The following EPHA6 variants were observed in gnomAD, a reference collection of about 807,000 sequenced individuals.
EPHA6 encodes the protein EPH receptor A6, also known as ephrin type-A receptor 6.
EPHA6 carries 50 observed loss-of-function variants against 112.0 expected under a neutral mutation model. The ratio of observed to expected loss-of-function variants is 0.45; its 90% CI spans 0.36 to 0.56. The LOEUF (loss-of-function observed/expected upper bound fraction) is 0.56, where lower values mean the gene tolerates loss of function less well. Ranked by LOEUF, EPHA6 falls within the 20% of genes least tolerant of loss-of-function variation. The pLI, the probability that EPHA6 is intolerant of heterozygous loss-of-function variation, is 0.00. For missense variants in EPHA6, 1,280 were observed against 1,417.4 expected (o/e 0.90, Z 1.56); for synonymous variants, 529 against 490.7 (o/e 1.08, Z -1.03).
intron 3 of EPHA6, among the ~76,000 whole-genome samples, chr3:97,056,375 C>T (rs1490268845): frequency 6.6e-6 from 1 of 152,178 alleles, no homozygotes; most frequent in Non-Finnish European, 1.5e-5. Context: ...AATTACAAGT[C>T]TCTTCTCCTA....
chr3:96,866,741 A>G (rs973324623), intron 1 of EPHA6, 84 bp from the exon 2 acceptor site: 4 of 729,940 alleles, frequency 5.5e-6, no homozygotes, highest in Non-Finnish European at 8.5e-6. Context: ...GACATTAATG[A>G]TTTTTATTAT....
intron 5 of EPHA6, among the ~76,000 whole-genome samples, chr3:97,274,907 A>G (rs948070784): frequency 2.0e-5 from 3 of 152,176 alleles, no homozygotes; most frequent in African/African-American, 7.2e-5. Context: ...CCCAACAAAG[A>G]GTGAGTATAG....
intron 3 of EPHA6, among the ~76,000 whole-genome samples, chr3:97,075,700 A>G (rs2046496858): frequency 7.1e-6 from 1 of 140,696 alleles, no homozygotes; most frequent in Non-Finnish European, 1.5e-5. Context: ...CTGCTCGGAT[A>G]CTGCATTTTT....
At chr3:97,179,728 T>TCTCTCTCC (rs1200357065) in intron 3 of EPHA6, among the ~76,000 whole-genome samples, 1 of 143,074 alleles carries the variant, frequency 7.0e-6, no homozygotes, top group African/African-American at 2.6e-5. Context: ...TCTCTCTCTC[T>TCTCTCTCC]CTCTCTCTCT....
At chr3:97,100,625 GTAAGT>G (rs74721944) in intron 3 of EPHA6, among the ~76,000 whole-genome samples, 31,717 of 151,514 alleles carry the variant, frequency 0.21, 4,703 homozygotes, top group African/African-American at 0.4. Context: ...AATGGAGTTA[GTAAGT>G]TAAGTAGGAA....
intron 10 of EPHA6, among the ~76,000 whole-genome samples, chr3:97,496,508 T>C (rs1247948625): frequency 6.6e-6 from 1 of 152,200 alleles, no homozygotes. Context: ...AATCTTATGT[T>C]ATAGCTCATG....
intron 15 of EPHA6, among the ~76,000 whole-genome samples, chr3:97,725,230 C>T (rs2034707656): frequency 6.6e-6 from 1 of 152,094 alleles, no homozygotes; most frequent in South Asian, 2.1e-4. Context: ...TTTGCAACCC[C>T]AGCAAAACGA....
chr3:97,250,837 T>G (rs912816907), intron 5 of EPHA6, among the ~76,000 whole-genome samples: 10 of 152,134 alleles, frequency 6.6e-5, no homozygotes, highest in African/African-American at 9.7e-5. Context: ...TATTTAACAC[T>G]GGGTTTATTT....
At chr3:96,914,750 C>T (rs116196476) in intron 2 of EPHA6, among the ~76,000 whole-genome samples, 360 of 152,074 alleles carry the variant, frequency 2.4e-3, no homozygotes, top group South Asian at 6.8e-3. Context: ...CATACATAAT[C>T]TAGAGTAAAG....
chr3:97,068,183 A>T (rs1036739412), intron 3 of EPHA6, among the ~76,000 whole-genome samples: 16 of 147,096 alleles, frequency 1.1e-4, no homozygotes, highest in African/African-American at 3.5e-4. Flanking sequence ...AAAAAAAAAG[A>T]GTCAGGGATA....
At chr3:97,527,761 G>C (rs567724650) in intron 10 of EPHA6, among the ~76,000 whole-genome samples, 1 of 152,260 alleles carries the variant, frequency 6.6e-6, no homozygotes, top group South Asian at 2.1e-4. Context: ...CGATACTCAG[G>C]AGGATGTGAT....
At chr3:97,553,431 A>G (rs2093057402) in intron 11 of EPHA6, among the ~76,000 whole-genome samples, 2 of 152,148 alleles carry the variant, frequency 1.3e-5, no homozygotes, top group African/African-American at 4.8e-5. Flanking sequence ...TATGAAGAAA[A>G]GAGATTTAAT....
intron 1 of EPHA6, among the ~76,000 whole-genome samples, chr3:96,851,303 A>C (rs1377459816): frequency 6.6e-6 from 1 of 152,192 alleles, no homozygotes; most frequent in African/African-American, 2.4e-5. Flanking sequence ...AGAAATGTAA[A>C]GGGAATATAA....
chr3:97,057,020 T>A (rs1278215631), intron 3 of EPHA6, among the ~76,000 whole-genome samples: 1 of 152,238 alleles, frequency 6.6e-6, no homozygotes, highest in Non-Finnish European at 1.5e-5. Context: ...ATGTGATCAT[T>A]ATTCCTATCT....
intron 5 of EPHA6, among the ~76,000 whole-genome samples, chr3:97,377,877 G>A (rs1466127722): frequency 6.6e-6 from 1 of 151,916 alleles, no homozygotes; most frequent in East Asian, 1.9e-4. Context: ...CACTTTAAAA[G>A]GGAAAGAGAG....
At chr3:96,897,157 T>C (rs113133927) in intron 2 of EPHA6, among the ~76,000 whole-genome samples, 1,579 of 152,112 alleles carry the variant, frequency 0.01, 25 homozygotes, top group African/African-American at 0.036. Context: ...TTTATACTAC[T>C]TTTCAGGTAA....
At chr3:96,964,230 A>G (rs1421302366) in intron 2 of EPHA6, among the ~76,000 whole-genome samples, 1 of 152,120 alleles carries the variant, frequency 6.6e-6, no homozygotes, top group Non-Finnish European at 1.5e-5. Context: ...TAGTCTTGCC[A>G]TTCTGCAGAA....
chr3:97,498,732 T>C (rs1333404713), intron 10 of EPHA6, among the ~76,000 whole-genome samples: 1 of 152,116 alleles, frequency 6.6e-6, no homozygotes, highest in African/African-American at 2.4e-5. Context: ...GACATTAGAC[T>C]CTCATAGGAG....
chr3:97,217,789 G>A (rs1042704244), intron 3 of EPHA6, among the ~76,000 whole-genome samples: 15 of 152,128 alleles, frequency 9.9e-5, no homozygotes, highest in Non-Finnish European at 8.8e-5. Flanking sequence ...CTGTAGCAGT[G>A]GAAGGTGATT....
Sources: allele counts gnomAD v4.1 joint callset (sites outside exome capture counted in the v4.1 genomes callset), GRCh38; gene constraint gnomAD v4.1.1; transcripts MANE v1.5; gene names NCBI Gene and HGNC (gene_info 2026-07-23, HGNC 2026-07-21).